The following RPS6KC1 variants were observed in gnomAD, a reference collection of about 807,000 sequenced individuals.
RPS6KC1 encodes ribosomal protein S6 kinase C1.
RPS6KC1 carries 54 observed loss-of-function variants against 103.8 expected under a neutral mutation model. The observed-to-expected ratio is 0.52, with a 90% CI of 0.42 to 0.65. The LOEUF is 0.65. RPS6KC1 is among the 30% of genes least tolerant of loss of function. The pLI is 0.00. For missense variants in RPS6KC1, 1,151 were observed against 1,253.8 expected (o/e 0.92, Z 1.24); for synonymous variants, 439 against 438.7 (o/e 1.00, Z -0.01).
the RPS6KC1 span, among the ~76,000 whole-genome samples, chr1:213,579,637 A>G: frequency 2.0e-5 from 3 of 152,056 alleles, no homozygotes; most frequent in Non-Finnish European, 4.4e-5. Flanking sequence ...CCTCGCCTCC[A>G]AATATTAAAG....
intron 1 of RPS6KC1, among the ~76,000 whole-genome samples, chr1:213,056,601 A>G (rs947754180): frequency 6.6e-6 from 1 of 152,180 alleles, no homozygotes; most frequent in East Asian, 1.9e-4. Flanking sequence ...AAAAATTACC[A>G]TTTCCAAAGC....
the RPS6KC1 span, among the ~76,000 whole-genome samples, chr1:213,456,727 TTAAA>T: frequency 6.6e-6 from 1 of 152,220 alleles, no homozygotes; most frequent in Non-Finnish European, 1.5e-5. Context: ...AAACAATCAC[TTAAA>T]TAGACCATAA....
At chr1:213,473,068 A>G in the RPS6KC1 span, among the ~76,000 whole-genome samples, 2 of 152,214 alleles carry the variant, frequency 1.3e-5, no homozygotes, top group African/African-American at 4.8e-5. Context: ...TTAAATGCCT[A>G]GTATAAAACA....
chr1:213,722,563 A>G, the RPS6KC1 span, among the ~76,000 whole-genome samples: 2 of 152,090 alleles, frequency 1.3e-5, no homozygotes, highest in Non-Finnish European at 2.9e-5. Context: ...TCTTGGGTGT[A>G]TTTGTGTTTG....
At chr1:213,148,894 TC>T (rs1287152812) in intron 6 of RPS6KC1, among the ~76,000 whole-genome samples, 1 of 152,164 alleles carries the variant, frequency 6.6e-6, no homozygotes, top group Admixed American at 6.5e-5. Context: ...TTTTCCTGGT[TC>T]AGTCTTGGTA....
At chr1:213,666,583 G>T in the RPS6KC1 span, among the ~76,000 whole-genome samples, 1 of 152,116 alleles carries the variant, frequency 6.6e-6, no homozygotes, top group Non-Finnish European at 1.5e-5. Flanking sequence ...TAGTTTTTCT[G>T]TATGTTTTGC....
At chr1:213,355,745 C>T in the RPS6KC1 span, among the ~76,000 whole-genome samples, 1 of 152,194 alleles carries the variant, frequency 6.6e-6, no homozygotes, top group South Asian at 2.1e-4. Context: ...TTCAACTCAG[C>T]GGCAACACCT....
the RPS6KC1 span, among the ~76,000 whole-genome samples, chr1:213,831,516 A>G: frequency 6.6e-6 from 1 of 152,174 alleles, no homozygotes; most frequent in Non-Finnish European, 1.5e-5. Flanking sequence ...TCAGACTTCT[A>G]ATGTCTGGAA....
the RPS6KC1 span, among the ~76,000 whole-genome samples, chr1:213,567,763 C>G: frequency 6.6e-6 from 1 of 152,136 alleles, no homozygotes; most frequent in Non-Finnish European, 1.5e-5. Flanking sequence ...CAGGTCTTAC[C>G]AGCTAGTAAT....
chr1:213,414,229 C>T, the RPS6KC1 span, among the ~76,000 whole-genome samples: 1 of 151,438 alleles, frequency 6.6e-6, no homozygotes, highest in African/African-American at 2.4e-5. Flanking sequence ...ATGATGGCAC[C>T]AAGTTCATCT....
chr1:213,128,394 C>G (rs915877490), intron 5 of RPS6KC1, among the ~76,000 whole-genome samples: 2 of 152,048 alleles, frequency 1.3e-5, no homozygotes, highest in Non-Finnish European at 2.9e-5. Flanking sequence ...TTGTAAATAT[C>G]AATATTGGTA....
intron 8 of RPS6KC1, 43 bp downstream of exon 8, chr1:213,176,535 C>T: frequency 7.8e-7 from 1 of 1,283,090 alleles, no homozygotes; most frequent in Non-Finnish European, 1.1e-6. Flanking sequence ...CATAAATCGA[C>T]TGCATGCTGA....
intron 10 of RPS6KC1, among the ~76,000 whole-genome samples, chr1:213,233,741 T>C (rs1203849159): frequency 6.6e-6 from 1 of 152,176 alleles, no homozygotes; most frequent in African/African-American, 2.4e-5. Context: ...AATCATAGAC[T>C]TACGACTTTT....
chr1:213,411,315 G>C, the RPS6KC1 span, among the ~76,000 whole-genome samples: 9 of 152,238 alleles, frequency 5.9e-5, no homozygotes, highest in African/African-American at 2.2e-4. Flanking sequence ...CCGAGAGGGA[G>C]GTGCTGTGGC....
chr1:213,597,685 C>T, the RPS6KC1 span, among the ~76,000 whole-genome samples: 3 of 152,286 alleles, frequency 2.0e-5, 1 homozygote, highest in East Asian at 1.9e-4. Flanking sequence ...GTGACAGAGG[C>T]GGCTCTGGCT....
chr1:213,322,036 T>C, the RPS6KC1 span, among the ~76,000 whole-genome samples: 1 of 152,164 alleles, frequency 6.6e-6, no homozygotes, highest in Non-Finnish European at 1.5e-5. Flanking sequence ...CCCAGCATGG[T>C]ATCTCATGCC....
chr1:213,137,752 G>GCGCTCTCTCT (rs1553340080), intron 6 of RPS6KC1, among the ~76,000 whole-genome samples: 223 of 12,188 alleles, frequency 0.018, 3 homozygotes, highest in African/African-American at 0.038. Flanking sequence ...AGTCCAGTTT[G>GCGCTCTCTCT]CTCTCTCTCT....
the RPS6KC1 span, among the ~76,000 whole-genome samples, chr1:213,697,358 A>G: frequency 6.6e-6 from 1 of 152,238 alleles, no homozygotes; most frequent in African/African-American, 2.4e-5. Context: ...ACAAGTTGCT[A>G]ATAAAGGTGC....
At chr1:213,272,201 T>C (rs979271658) in intron 14 of RPS6KC1, among the ~76,000 whole-genome samples, 16 of 152,214 alleles carry the variant, frequency 1.1e-4, no homozygotes, top group African/African-American at 3.9e-4. Flanking sequence ...ATCTAATTAA[T>C]GTCATGGTGT....
Sources: allele counts gnomAD v4.1 joint callset (sites outside exome capture counted in the v4.1 genomes callset), GRCh38; gene constraint gnomAD v4.1.1; transcripts MANE v1.5; gene names NCBI Gene and HGNC (gene_info 2026-07-23, HGNC 2026-07-21).